The following PCDH7 variants were observed in gnomAD, a reference collection of about 807,000 sequenced individuals.
PCDH7 encodes protocadherin 7.
In PCDH7, 17 loss-of-function variants were observed where a neutral mutation model predicts 58.9. The ratio of observed to expected loss-of-function variants is 0.29; its 90% confidence interval spans 0.20 to 0.43. PCDH7 has a LOEUF of 0.43. Among genes scored for constraint, PCDH7 ranks in the 20% least tolerant of loss-of-function variants. PCDH7 has a pLI of 1.00. For missense variants in PCDH7, 1,274 were observed against 1,441.0 expected (o/e 0.88, Z 1.88); for synonymous variants, 664 against 616.4 (o/e 1.08, Z -1.14).
chr4:31,057,824 C>T (rs1443253382), intron 3 of PCDH7, among the ~76,000 whole-genome samples: 1 of 151,964 alleles, frequency 6.6e-6, no homozygotes, highest in African/African-American at 2.4e-5. Flanking sequence ...AATGCAAAAC[C>T]GATGAAATAT....
In PCDH7 at chr4:30,723,387, C is replaced by T. The variant is rs1459550859; in HGVS notation, c.1965C>T (p.Asn655=). 9 of 1,614,112 alleles carry T rather than the reference C, an allele frequency of 5.6e-6. No homozygotes were observed. The highest frequency in any genetic ancestry group is 2.2e-5 in the East Asian group (1 of 44,894). The change falls in exon 1 of 2, where the codon AAC becomes AAT. Residue 655 remains asparagine (N), a synonymous_variant. Transcript: ENST00000361762. This position sits in a 1 kb window ranked among gnomAD's most constrained non-coding sequence, Gnocchi z 4.6. Reference sequence around the variant, plus strand: ...ATGTGAAAGAAAACTTGCAGCCCAACAGCCCTGTGGGGATGGTCACCGTGA... The same window carrying T: ...ATGTGAAAGAAAACTTGCAGCCCAATAGCCCTGTGGGGATGGTCACCGTGA...
intron 3 of PCDH7, among the ~76,000 whole-genome samples, chr4:31,107,180 C>T (rs1317538385): frequency 1.3e-5 from 2 of 151,922 alleles, no homozygotes; most frequent in African/African-American, 2.4e-5. Context: ...TAAAATTACC[C>T]ACGAAATTTT....
chr4:31,010,687 G>A (rs1578554423), intron 3 of PCDH7, among the ~76,000 whole-genome samples: 1 of 151,906 alleles, frequency 6.6e-6, no homozygotes, highest in African/African-American at 2.4e-5. Flanking sequence ...CTAATAACTT[G>A]CCTAATTTTC....
At chr4:30,951,306 A>G (rs1747341714) in intron 3 of PCDH7, among the ~76,000 whole-genome samples, 1 of 152,200 alleles carries the variant, frequency 6.6e-6, no homozygotes, top group African/African-American at 2.4e-5. Context: ...CTGTATTTGA[A>G]TGCATTGGAA....
rs1339075373 is a variant in PCDH7 at position 30,764,922 on chromosome 4, C to A, written c.70+40326C>A. Among the ~76,000 whole-genome samples the A allele has an allele frequency of 2.6e-5, 4 of 151,972 alleles. No homozygotes were observed. The East Asian group carries it at 7.8e-4, about 30-fold the overall frequency. ...TTTTACTAGAGACGAGGTTTCACCA[C>A]GTTGGTCAGGATGGTCTCTATCTCC... is the stretch of plus-strand genomic sequence containing the variant. On this transcript the variant is annotated intron_variant, in intron 1 of 3. Transcript: ENST00000509759.
At chr4:30,777,588 A>C (rs1022828594) in intron 1 of PCDH7, among the ~76,000 whole-genome samples, 11 of 152,130 alleles carry the variant, frequency 7.2e-5, no homozygotes, top group Admixed American at 3.3e-4. Context: ...TCAAGTTCAG[A>C]GGTTATTCTC....
At chr4:31,130,466 C>A (rs1277179321) in intron 3 of PCDH7, among the ~76,000 whole-genome samples, 1 of 152,090 alleles carries the variant, frequency 6.6e-6, no homozygotes, top group African/African-American at 2.4e-5. Context: ...AATATAGGTA[C>A]AAAGCACAAA....
chr4:31,131,449 T>G (rs1361456022), intron 3 of PCDH7, among the ~76,000 whole-genome samples: 3 of 152,182 alleles, frequency 2.0e-5, no homozygotes, highest in Non-Finnish European at 4.4e-5. Context: ...TAATTGTGAT[T>G]GCCAATTTTA....
At chr4:31,138,581 G>T (rs138178239) in intron 3 of PCDH7, among the ~76,000 whole-genome samples, 1 of 152,148 alleles carries the variant, frequency 6.6e-6, no homozygotes, top group South Asian at 2.1e-4. Flanking sequence ...GCTTGGACCC[G>T]TTCGCTGTTC....
chr4:30,725,144 A>G, intron 1 of PCDH7: 5 of 1,000,060 alleles, frequency 5.0e-6, no homozygotes, highest in Non-Finnish European at 6.0e-6. Context: ...GACTACTTTG[A>G]TGAAACTGCT....
intron 3 of PCDH7, among the ~76,000 whole-genome samples, chr4:31,036,320 GGA>G (rs1755410705): frequency 2.0e-5 from 3 of 152,052 alleles, no homozygotes; most frequent in Non-Finnish European, 2.9e-5. Flanking sequence ...TCAGTAGCGG[GGA>G]TTACAGGTGT....
intron 1 of PCDH7, among the ~76,000 whole-genome samples, chr4:30,802,388 C>A (rs558943376): frequency 2.0e-5 from 3 of 151,542 alleles, no homozygotes; most frequent in African/African-American, 4.9e-5. Context: ...AAGAGCAGTT[C>A]GGCAGTGGAA....
chr4:30,999,792 G>C (rs1752207404), intron 3 of PCDH7, among the ~76,000 whole-genome samples: 1 of 152,078 alleles, frequency 6.6e-6, no homozygotes, highest in East Asian at 1.9e-4. Context: ...TTCTTCTATA[G>C]ATCTAATGTG....
At chr4:31,110,682 G>A (rs531393069) in intron 3 of PCDH7, among the ~76,000 whole-genome samples, 2 of 152,112 alleles carry the variant, frequency 1.3e-5, no homozygotes, top group Non-Finnish European at 2.9e-5. Context: ...TTAGGAGGCC[G>A]AGTCGGGTGG....
At chr4:31,001,741 G>A (rs78754975) in intron 3 of PCDH7, among the ~76,000 whole-genome samples, 1,597 of 152,182 alleles carry the variant, frequency 0.01, 18 homozygotes, top group Middle Eastern at 0.041. Context: ...GAAGCTGTTT[G>A]GAACAGTTCC....
intron 3 of PCDH7, among the ~76,000 whole-genome samples, chr4:31,068,119 T>C (rs1758238742): frequency 6.6e-6 from 1 of 151,938 alleles, no homozygotes; most frequent in East Asian, 1.9e-4. Flanking sequence ...TACGGGCAAA[T>C]TGGACCTTAA....
chr4:30,985,773 C>G, intron 3 of PCDH7, among the ~76,000 whole-genome samples: 1 of 152,256 alleles, frequency 6.6e-6, no homozygotes, highest in East Asian at 1.9e-4. Context: ...CCTTGCTTTG[C>G]ACAGGGATGT....
At chr4:31,042,873 A>T (rs1480170568) in intron 3 of PCDH7, among the ~76,000 whole-genome samples, 1 of 152,092 alleles carries the variant, frequency 6.6e-6, no homozygotes, top group Non-Finnish European at 1.5e-5. Flanking sequence ...CATATTTATT[A>T]TCGTTCTAGG....
intron 1 of PCDH7, among the ~76,000 whole-genome samples, chr4:30,872,115 T>A (rs1251801481): frequency 6.6e-6 from 1 of 152,114 alleles, no homozygotes; most frequent in East Asian, 1.9e-4. Context: ...AGGAAACAAT[T>A]TAGCCCATAA....
Sources: gnomAD v4.1 joint callset for allele counts (sites outside exome capture counted in the v4.1 genomes callset) on GRCh38, gnomAD v4.1.1 for gene constraint, Gnocchi (gnomAD v3.1) non-coding constraint, MANE v1.5 for transcripts, NCBI Gene and HGNC (gene_info 2026-07-23, HGNC 2026-07-21) for gene names.